Variants in KIAA1614 observed in about 807,000 individuals in gnomAD.
KIAA1614 encodes the protein KIAA1614.
In KIAA1614, 76 loss-of-function variants were observed where a neutral mutation model predicts 88.7. The observed-to-expected ratio is 0.86, with a 90% CI of 0.71 to 1.04. The LOEUF (loss-of-function observed/expected upper bound fraction) is 1.04. Ranked by LOEUF, KIAA1614 falls within the 50% of genes least tolerant of loss-of-function variation. The pLI, the probability that KIAA1614 is intolerant of heterozygous loss-of-function variation, is 0.00. For synonymous variants in KIAA1614, 714 were observed against 675.5 expected, an observed-to-expected ratio of 1.06 and a Z score of -0.88; for missense variants, 1,553 against 1,582.5, an observed-to-expected ratio of 0.98 and a Z score of 0.32.
rs566376477 is a variant in KIAA1614, at chr1:180,950,207, A to C, written c.*4619A>C. On this transcript the variant is annotated 3_prime_UTR_variant, in exon 9 of 9. Coordinates refer to ENST00000367588, the MANE Select transcript of KIAA1614 (RefSeq NM_020950.2). Reference sequence around the variant, plus strand: ...GGGGTGTGTGTATGTGTGCATGCGCACAGAGAAGTGCCTGGTATGAGCACC... The same window carrying C: ...GGGGTGTGTGTATGTGTGCATGCGCCCAGAGAAGTGCCTGGTATGAGCACC... The C allele has an allele frequency of 9.7e-6, 4 of 413,888 alleles. No individual in the cohort carries two copies. Among genetic ancestry groups the C allele is most frequent in the Non-Finnish European group, 1.5e-5 (4 of 266,402 alleles). The allele number at this position is 413,888 out of a possible 1,614,324, so 25.6% of individuals were successfully genotyped here.
At chr1:180,924,343 G>T (rs575081017) in intron 3 of KIAA1614, among the ~76,000 whole-genome samples, 1 of 152,226 alleles carries the variant, frequency 6.6e-6, no homozygotes, top group Admixed American at 6.5e-5. Flanking sequence ...TGGCCACCCA[G>T]GTCCCACACC....
chr1:180,943,651 G>C (rs1654522222), intron 7 of KIAA1614, among the ~76,000 whole-genome samples: 3 of 144,028 alleles, frequency 2.1e-5, no homozygotes. Flanking sequence ...AGGTTCAAGT[G>C]AGTCTCCTGC....
rs1349869594 is a variant in KIAA1614, at chr1:180,918,103, C to T, written c.1061+189C>T. Among the ~76,000 whole-genome samples the T allele has an allele frequency of 2.6e-5, 4 of 152,162 alleles. No homozygotes were observed. The East Asian group carries it at 7.7e-4, about 29-fold the overall frequency. On this transcript the variant is annotated intron_variant, in intron 3 of 8. Coordinates refer to ENST00000367588, the MANE Select transcript of KIAA1614 (RefSeq NM_020950.2). ...CCAGTAACCCCCACCGCCACATCCC[C>T]CAGGCTGGTGCCTCCCTGCTACTTG...
chr1:180,945,225 G>A, intron 8 of KIAA1614, 78 bp from the exon 9 acceptor site: 1 of 1,454,424 alleles, frequency 6.9e-7, no homozygotes, highest in Non-Finnish European at 9.1e-7. Flanking sequence ...TGAGGCATCG[G>A]TCATCTGTAA....
At chr1:180,938,972 C>A (rs992298748) in intron 6 of KIAA1614, among the ~76,000 whole-genome samples, 1 of 152,222 alleles carries the variant, frequency 6.6e-6, no homozygotes, top group Admixed American at 6.5e-5. Flanking sequence ...TGGGGCAAAG[C>A]TAGCAGAGCC....
Position 180,945,688 on chromosome 1 carries a change from C to A in KIAA1614, c.*100C>A. On this transcript the variant is annotated 3_prime_UTR_variant, in exon 9 of 9. Coordinates refer to ENST00000367588, the MANE Select transcript of KIAA1614 (RefSeq NM_020950.2). ...TTGTCCAGGGCTCTCTAGGAGTCTG[C>A]ACCTGCAGAGCCTTTGCCCTAGGCA... 1 of 1,434,118 alleles carries A rather than the reference C, an allele frequency of 7.0e-7. No individual in the cohort carries two copies. Among genetic ancestry groups the A allele is most frequent in the Non-Finnish European group, 9.1e-7 (1 of 1,103,470 alleles). The allele number at this position is 1,434,118 out of a possible 1,614,324, so 88.8% of individuals were successfully genotyped here. A position where few individuals can be genotyped will look rare whatever the true frequency, so the allele number is the denominator to read the frequency against.
chr1:180,943,145 G>A (rs973306412), intron 7 of KIAA1614, among the ~76,000 whole-genome samples: 3 of 151,840 alleles, frequency 2.0e-5, no homozygotes, highest in Non-Finnish European at 2.9e-5. Flanking sequence ...TCCTGCCTCA[G>A]CCTCCTGAGT....
chr1:180,919,383 G>A lies in KIAA1614; in HGVS notation c.1061+1469G>A, dbSNP rs1266578246. Among the ~76,000 whole-genome samples, 6 of 152,290 alleles carry A rather than the reference G, an allele frequency of 3.9e-5. No homozygotes were observed. The East Asian group carries it at 1.2e-3, about 29-fold the overall frequency. ...CAGACCCTCCTCTGGTCCCCAGCTGGCCCTGCCACAGTGTTGAGGAGCGTG... is the reference window on the plus strand; with the variant it reads ...CAGACCCTCCTCTGGTCCCCAGCTGACCCTGCCACAGTGTTGAGGAGCGTG... On this transcript the variant is annotated intron_variant, in intron 3 of 8. Coordinates refer to ENST00000367588, the MANE Select transcript of KIAA1614 (RefSeq NM_020950.2).
chr1:180,938,362 G>T (rs1449417470), intron 5 of KIAA1614, among the ~76,000 whole-genome samples, 193 bp from the exon 6 acceptor site: 1 of 152,178 alleles, frequency 6.6e-6, no homozygotes. Context: ...CTCATGAGGG[G>T]TCCTCAGCCC....
chr1:180,927,433 T>C (rs895448002), intron 3 of KIAA1614, among the ~76,000 whole-genome samples: 1 of 152,248 alleles, frequency 6.6e-6, no homozygotes, highest in Non-Finnish European at 1.5e-5. Flanking sequence ...GGCTGTCGTG[T>C]GCTCTGCTCC....
Position 180,916,943 on chromosome 1 carries a change from C to A in KIAA1614, c.840C>A (p.Asp280Glu). 1 of 1,614,228 alleles carries A rather than the reference C, an allele frequency of 6.2e-7. No homozygotes were observed. Among genetic ancestry groups the A allele is most frequent in the Non-Finnish European group, 8.5e-7 (1 of 1,180,046 alleles). The change falls in exon 2 of 9, where the codon GAC becomes GAA. Residue 280 changes from aspartate to glutamate, a missense_variant. Physicochemically the swap from Asp to Glu is conservative, Grantham distance 45. Transcript: ENST00000367588. Reference protein sequence around the residue: ...ALLGERWRAGDLEALGAGSSV... With the variant: ...ALLGERWRAGELEALGAGSSV... ...TGGGTGAGCGCTGGAGAGCTGGAGA[C>A]CTGGAGGCTCTGGGCGCTGGGAGCA... is the stretch of plus-strand genomic sequence containing the variant.
In KIAA1614 at chr1:180,935,256, C is replaced by A. The variant is rs776871633; in HGVS notation, c.1347C>A (p.His449Gln). The A allele has an allele frequency of 6.6e-7, 1 of 1,525,270 alleles. No individual in the cohort carries two copies. Among genetic ancestry groups the A allele is most frequent in the East Asian group, 2.5e-5 (1 of 40,238 alleles). 94.5% of individuals were successfully genotyped at this position (1,525,270 alleles called of 1,614,324 possible). Reference sequence around the variant, plus strand: ...CGAGGCGGGGCCCCTCGCCGTCGCACGTGCGCTTTGAGGATGAGTCCGCCC... The same window carrying A: ...CGAGGCGGGGCCCCTCGCCGTCGCAAGTGCGCTTTGAGGATGAGTCCGCCC... ...HRPRRGPSPSHVRFEDESARE... is the reference protein window; with the variant it reads ...HRPRRGPSPSQVRFEDESARE... Residue 449 changes from histidine to glutamine, a missense_variant, in exon 5 of 9, where the codon CAC (histidine) becomes CAA (glutamine). Transcript: ENST00000367588. The surrounding 1 kb of genome is among the most constrained non-coding windows in gnomAD (Gnocchi z 6.1).
chr1:180,926,073 G>GTGC (rs1654061389), intron 3 of KIAA1614, among the ~76,000 whole-genome samples: 3 of 152,228 alleles, frequency 2.0e-5, no homozygotes, highest in South Asian at 2.1e-4. Flanking sequence ...AGCTCCAGAA[G>GTGC]TGCAGACTTT....
At position 180,913,146 on chromosome 1, in the gene KIAA1614, C is replaced by A; in HGVS notation, c.-98C>A. 1 of 976,646 alleles carries A rather than the reference C, an allele frequency of 1.0e-6. No individual in the cohort carries two copies. The highest frequency in any genetic ancestry group is 1.3e-6 in the Non-Finnish European group (1 of 749,310). The allele number at this position is 976,646 out of a possible 1,614,324, so 60.5% of individuals were successfully genotyped here. A position where few individuals can be genotyped will look rare whatever the true frequency, so the allele number is the denominator to read the frequency against. ...AGGGGCGAGGCCTGCGGGCCGCACTCCCTCCGGCCCCGGATTCGGGGCTGG... is the reference window on the plus strand; with the variant it reads ...AGGGGCGAGGCCTGCGGGCCGCACTACCTCCGGCCCCGGATTCGGGGCTGG... On this transcript the variant is annotated 5_prime_UTR_variant, in exon 1 of 9. Coordinates refer to ENST00000367588, the MANE Select transcript of KIAA1614 (RefSeq NM_020950.2).
chr1:180,926,779 G>C (rs1035511303), intron 3 of KIAA1614, among the ~76,000 whole-genome samples: 10 of 152,256 alleles, frequency 6.6e-5, no homozygotes, highest in Non-Finnish European at 1.5e-4. Flanking sequence ...GAGCCCCAGG[G>C]AGCACAGCTG....
In KIAA1614 at chr1:180,950,831, G is replaced by A. The variant is rs1281696124; in HGVS notation, c.*5243G>A. 1 of 152,534 alleles carries A rather than the reference G, an allele frequency of 6.6e-6. No homozygotes were observed. Among genetic ancestry groups the A allele is most frequent in the African/African-American group, 2.4e-5 (1 of 41,448 alleles). The allele number at this position is 152,534 out of a possible 1,614,324, so 9.4% of individuals were successfully genotyped here. A position where few individuals can be genotyped will look rare whatever the true frequency, so the allele number is the denominator to read the frequency against. ...TGTACCTTTGTTGGCAGGGGGAGAA[G>A]GGAGATTCAGTGGATCCTTTGGTTG... On this transcript the variant is annotated 3_prime_UTR_variant, in exon 9 of 9. Coordinates refer to ENST00000367588, the MANE Select transcript of KIAA1614 (RefSeq NM_020950.2).
chr1:180,918,101 C>T (rs977685982), intron 3 of KIAA1614, among the ~76,000 whole-genome samples, 187 bp downstream of exon 3: 1 of 152,154 alleles, frequency 6.6e-6, no homozygotes, highest in Non-Finnish European at 1.5e-5. Flanking sequence ...CCGCCACATC[C>T]CCCAGGCTGG....
chr1:180,936,270 G>T lies in KIAA1614; in HGVS notation c.2361G>T (p.Glu787Asp). The T allele has an allele frequency of 4.3e-6, 7 of 1,614,200 alleles. No individual in the cohort carries two copies. Among genetic ancestry groups the T allele is most frequent in the Non-Finnish European group, 5.9e-6 (7 of 1,180,012 alleles). The change falls in exon 5 of 9, where the codon GAG becomes GAT. Residue 787 changes from glutamate (E) to aspartate (D), a missense_variant. Glu to Asp is a conservative substitution (Grantham distance 45). Coordinates refer to ENST00000367588, the MANE Select transcript of KIAA1614 (RefSeq NM_020950.2). ...SPSSLQQSHA[E>D]PSAPHQAWQP... is the part of the protein sequence containing the mutation. ...CCTCCCTGCAACAGAGCCATGCAGA[G>T]CCTTCTGCCCCACACCAAGCCTGGC...
chr1:180,928,397 C>T, intron 3 of KIAA1614, 33 bp from the exon 4 acceptor site: 1 of 1,500,336 alleles, frequency 6.7e-7, no homozygotes, highest in Middle Eastern at 1.8e-4. Flanking sequence ...CTAATCCCTC[C>T]CCCACCACCC....
Sources: gnomAD v4.1 joint callset for allele counts (sites outside exome capture counted in the v4.1 genomes callset) on GRCh38, gnomAD v4.1.1 for gene constraint, Gnocchi (gnomAD v3.1) non-coding constraint, MANE v1.5 for transcripts, NCBI Gene and HGNC (gene_info 2026-07-23, HGNC 2026-07-21) for gene names.